GMDS: variants seen among roughly 807,000 people sequenced by gnomAD.
GMDS encodes GDP-mannose 4,6-dehydratase.
Under a neutral mutation model 49.9 loss-of-function variants are expected in GMDS, and 20 were observed. The ratio of observed to expected loss-of-function variants is 0.40; its 90% CI spans 0.28 to 0.58. GMDS has a LOEUF of 0.58. GMDS is among the 20% of genes least tolerant of loss of function. The pLI is 0.42. For synonymous variants in GMDS, 177 were observed against 178.6 expected, an observed-to-expected ratio of 0.99 and a Z score of 0.07; for missense variants, 362 against 481.4, an observed-to-expected ratio of 0.75 and a Z score of 2.32.
At chr6:2,166,623 TAAGA>T in intron 1 of GMDS, among the ~76,000 whole-genome samples, 1 of 152,196 alleles carries the variant, frequency 6.6e-6, no homozygotes, top group East Asian at 1.9e-4. Context: ...AATGGCAGAG[TAAGA>T]AGATTTATGT....
chr6:2,129,714 T>C (rs1159907793), intron 1 of GMDS, among the ~76,000 whole-genome samples: 1 of 152,246 alleles, frequency 6.6e-6, no homozygotes, highest in East Asian at 1.9e-4. Context: ...AGGTAATCTG[T>C]GCCTCCAATA....
chr6:1,923,637 A>G (rs1251063406), intron 7 of GMDS, among the ~76,000 whole-genome samples: 1 of 152,064 alleles, frequency 6.6e-6, no homozygotes, highest in Non-Finnish European at 1.5e-5. Context: ...GCACTCGCTC[A>G]CTCACGCGCT....
intron 7 of GMDS, among the ~76,000 whole-genome samples, chr6:1,892,155 C>T (rs1471935486): frequency 6.6e-6 from 1 of 152,010 alleles, no homozygotes; most frequent in South Asian, 2.1e-4. Flanking sequence ...TATGTTCCTA[C>T]TTAAATATGA....
At position 1,961,283 on chromosome 6, in the gene GMDS, T is replaced by C. The variant is rs80011684; in HGVS notation, c.346-317A>G. ...CTATTCCTCAGAATTATCTGGGATCTTCCTTAAAAATTCAGTCTGAACCAA... is the reference window on the plus strand; with the variant it reads ...CTATTCCTCAGAATTATCTGGGATCCTCCTTAAAAATTCAGTCTGAACCAA... On this transcript the variant is annotated intron_variant, in intron 4 of 10. Transcript: ENST00000380815. Among the ~76,000 whole-genome samples, 1,423 of 152,308 alleles carry C rather than the reference T, an allele frequency of 9.3e-3. 17 individuals are homozygous for C. Among genetic ancestry groups the C allele is most frequent in the African/African-American group, 0.032 (1,322 of 41,558 alleles).
intron 7 of GMDS, among the ~76,000 whole-genome samples, chr6:1,861,189 C>T (rs751475694): frequency 1.3e-5 from 2 of 152,130 alleles, no homozygotes; most frequent in Non-Finnish European, 2.9e-5. Context: ...GGGAAAGCAC[C>T]CTCAGTGAAT....
chr6:2,223,099 A>AAATCAATCAATC (rs150773580), intron 1 of GMDS, among the ~76,000 whole-genome samples: 4 of 151,174 alleles, frequency 2.6e-5, no homozygotes, highest in African/African-American at 9.8e-5. Context: ...CAATTCCTTC[A>AAATCAATCAATC]AATCAATCAA....
rs546838885 is a variant in GMDS, at chr6:1,778,281, C to T, written c.772-35695G>A. Among the ~76,000 whole-genome samples, 1 of 152,204 alleles carries T rather than the reference C, an allele frequency of 6.6e-6. No homozygotes were observed. Among genetic ancestry groups the T allele is most frequent in the East Asian group, 1.9e-4 (1 of 5,178 alleles). On this transcript the variant is annotated intron_variant, in intron 7 of 10. Transcript: ENST00000380815. This position sits in a 1 kb window ranked among gnomAD's most constrained non-coding sequence, Gnocchi z 4.6. ...CTGTTACACTAGGGCCTCTGTGACC[C>T]CTAGGTCAAAAGAGCAAATGCAAAA...
chr6:2,032,351 T>C (rs1769018258), intron 4 of GMDS, among the ~76,000 whole-genome samples: 1 of 152,194 alleles, frequency 6.6e-6, no homozygotes. Context: ...TGGAATCCTA[T>C]ACAGCTGGAA....
At chr6:2,071,955 A>T (rs1365426068) in intron 4 of GMDS, among the ~76,000 whole-genome samples, 1 of 152,084 alleles carries the variant, frequency 6.6e-6, no homozygotes, top group African/African-American at 2.4e-5. Flanking sequence ...CGAAGGGGGG[A>T]AAAAAGAGTA....
intron 7 of GMDS, among the ~76,000 whole-genome samples, chr6:1,748,738 C>T (rs931437574): frequency 6.6e-6 from 1 of 152,242 alleles, no homozygotes; most frequent in African/African-American, 2.4e-5. Context: ...AAAACAGTTA[C>T]AGGGCCCATG....
At chr6:1,684,740 GTT>G (rs1446521526) in intron 9 of GMDS, among the ~76,000 whole-genome samples, 1 of 152,154 alleles carries the variant, frequency 6.6e-6, no homozygotes, top group Non-Finnish European at 1.5e-5. Flanking sequence ...TGTGGTGATG[GTT>G]ACACAACTGT....
intron 4 of GMDS, among the ~76,000 whole-genome samples, chr6:2,026,550 T>A (rs1338657049): frequency 6.6e-6 from 1 of 152,266 alleles, no homozygotes; most frequent in Non-Finnish European, 1.5e-5. Flanking sequence ...TCTACGTCAC[T>A]GGCCATAGAC....
chr6:1,698,571 A>ATGGCTG (rs1554108900), intron 9 of GMDS, among the ~76,000 whole-genome samples: 1 of 152,138 alleles, frequency 6.6e-6, no homozygotes, highest in African/African-American at 2.4e-5. Context: ...AGGAAATGAG[A>ATGGCTG]TGGCCGGGAG....
At chr6:1,915,359 G>T (rs1451127461) in intron 7 of GMDS, among the ~76,000 whole-genome samples, 1 of 152,214 alleles carries the variant, frequency 6.6e-6, no homozygotes, top group African/African-American at 2.4e-5. Flanking sequence ...GTGGCCAGGA[G>T]AGTAGGGCCC....
chr6:1,961,948 C>T (rs1477778501), intron 4 of GMDS, among the ~76,000 whole-genome samples: 1 of 152,140 alleles, frequency 6.6e-6, no homozygotes, highest in Non-Finnish European at 1.5e-5. Context: ...GTCATTTAGG[C>T]CTGTGAGTAA....
chr6:1,764,037 T>C (rs1768256365), intron 7 of GMDS, among the ~76,000 whole-genome samples: 1 of 151,896 alleles, frequency 6.6e-6, no homozygotes, highest in Non-Finnish European at 1.5e-5. Context: ...CTGCTGCTTG[T>C]CCGGTACATC....
At chr6:1,823,990 T>A (rs908128515) in intron 7 of GMDS, among the ~76,000 whole-genome samples, 3 of 152,092 alleles carry the variant, frequency 2.0e-5, no homozygotes, top group African/African-American at 7.2e-5. Flanking sequence ...ACTCAGGCTG[T>A]TCTCATGACG....
intron 8 of GMDS, among the ~76,000 whole-genome samples, chr6:1,741,430 A>T (rs1435718697): frequency 3.9e-5 from 6 of 152,104 alleles, no homozygotes; most frequent in African/African-American, 1.4e-4. Flanking sequence ...GATATCATTC[A>T]GTACTTGTCA....
chr6:1,758,855 G>A (rs567129473), intron 7 of GMDS, among the ~76,000 whole-genome samples: 8 of 152,312 alleles, frequency 5.3e-5, no homozygotes, highest in South Asian at 2.1e-4. Context: ...TGGATCACCC[G>A]AGGTCAGGAG....
Sources: allele counts gnomAD v4.1 joint callset (sites outside exome capture counted in the v4.1 genomes callset), GRCh38; gene constraint gnomAD v4.1.1; non-coding constraint Gnocchi (gnomAD v3.1); transcripts MANE v1.5; gene names NCBI Gene and HGNC (gene_info 2026-07-23, HGNC 2026-07-21).